The following ULK1 variants were observed in gnomAD, a reference collection of about 807,000 sequenced individuals.
ULK1 encodes serine/threonine-protein kinase ULK1.
ULK1 carries 48 observed loss-of-function variants against 117.5 expected under a neutral mutation model. The observed-to-expected ratio is 0.41, with a 90% CI of 0.32 to 0.52. The LOEUF is 0.52. Among genes scored for constraint, ULK1 ranks in the 20% least tolerant of loss-of-function variants. The probability of loss-of-function intolerance (pLI) is 0.29; values close to 1 mark genes in which losing one functional copy is unlikely to be tolerated. For synonymous variants in ULK1, 790 were observed against 637.8 expected (o/e 1.24, Z -3.60); for missense variants, 1,387 against 1,473.4 (o/e 0.94, Z 0.96).
chr12:131,912,944 C>T (rs2136397440), intron 13 of ULK1, among the ~76,000 whole-genome samples: 1 of 152,282 alleles, frequency 6.6e-6, no homozygotes, highest in South Asian at 2.1e-4. Context: ...GCTGAGGAGA[C>T]AGGAGGCGCA....
At chr12:131,920,392 A>G in intron 26 of ULK1, 1 of 477,180 alleles carries the variant, frequency 2.1e-6, no homozygotes, top group Non-Finnish European at 3.8e-6. Context: ...CCCAATTGTA[A>G]AATGAGAGAC....
chr12:131,916,388 GTCC>G lies in ULK1; in HGVS notation c.1879-5_1879-3del, dbSNP rs1275292215. 1 of 1,555,798 alleles carries G rather than the reference GTCC, an allele frequency of 6.4e-7. No homozygotes were observed. Among genetic ancestry groups the G allele is most frequent in the African/African-American group, 1.4e-5 (1 of 72,840 alleles). ...GCGGGGCAGTCTTCACCCCATCTCTGTCCTCCTAGGCTGTGCCCTCCTTTGACT... is the reference window on the plus strand; with the variant it reads ...GCGGGGCAGTCTTCACCCCATCTCTGTCCTAGGCTGTGCCCTCCTTTGACT... On this transcript the variant is annotated splice_region_variant and splice_polypyrimidine_tract_variant and intron_variant, in intron 19 of 27. Transcript: ENST00000321867.
intron 13 of ULK1, 119 bp from the exon 14 acceptor site, chr12:131,913,079 C>T (rs1011775578): frequency 2.6e-5 from 24 of 934,742 alleles, no homozygotes; most frequent in South Asian, 1.4e-4. Context: ...GGCCGCTGTA[C>T]GAGCTGAGGC....
At chr12:131,904,437 C>T (rs961145315) in intron 3 of ULK1, among the ~76,000 whole-genome samples, 2 of 152,212 alleles carry the variant, frequency 1.3e-5, no homozygotes, top group Non-Finnish European at 2.9e-5. Context: ...CATGAGCCAC[C>T]GTACCCGGCC....
chr12:131,919,465 C>A lies in ULK1; in HGVS notation c.2685-7C>A, dbSNP rs1005378517. 4 of 1,608,572 alleles carry A rather than the reference C, an allele frequency of 2.5e-6. No individual in the cohort carries two copies. The highest frequency in any genetic ancestry group is 3.4e-6 in the Non-Finnish European group (4 of 1,178,114). On this transcript the variant is annotated splice_region_variant and splice_polypyrimidine_tract_variant and intron_variant, in intron 24 of 27. Coordinates refer to ENST00000321867, the MANE Select transcript of ULK1 (RefSeq NM_003565.4). ...CCGGCCTCCTCTGATCTGCCTGCCG[C>A]CCCCAGCTTCGCGGAACAGCTGGTG...
rs371996516 is a variant in ULK1, at chr12:131,921,120, C to T, written c.2982C>T (p.Asp994=). 1.2e-4 allele frequency: 186 copies of T among 1,600,130 alleles called. 3 individuals carry two copies. The South Asian group carries it at 1.5e-3, about 13-fold the overall frequency. The part of the protein sequence containing the change: ...AVQMVQSAAL[D]EMFQHREGCV... The stretch of plus-strand genomic sequence containing the variant: ...CCCAGGTGCAGTCGGCTGCCCTGGA[C>T]GAGATGTTCCAGCACCGTGAGGGCT... Residue 994 remains aspartate (D), a synonymous_variant, in exon 27 of 28, where the codon GAC becomes GAT. Transcript: ENST00000321867.
In ULK1 at chr12:131,894,982, G is replaced by GA; in HGVS notation, c.-20_-19insA. The GA allele has an allele frequency of 9.7e-7, 1 of 1,026,526 alleles. No individual in the cohort carries two copies. The highest frequency in any genetic ancestry group is 1.2e-6 in the Non-Finnish European group (1 of 843,590). 63.6% of individuals were successfully genotyped at this position (1,026,526 alleles called of 1,614,324 possible). On this transcript the variant is annotated 5_prime_UTR_variant, in exon 1 of 28. Transcript: ENST00000321867. ...CTTGGCCCGCCACCCCCCGCCCCGC[G>GA]CCCCCGGCCCGCCTGCGCCATGGAG...
At chr12:131,911,809 ACGTG>A in intron 12 of ULK1, 129 bp from the exon 13 acceptor site, 1 of 1,257,436 alleles carries the variant, frequency 8.0e-7, no homozygotes, top group South Asian at 1.3e-5. Context: ...AGGAAGAAAG[ACGTG>A]CCCAGCCCTT....
At chr12:131,914,578 A>C in intron 16 of ULK1, 101 bp downstream of exon 16, 2 of 1,464,728 alleles carry the variant, frequency 1.4e-6, no homozygotes, top group Non-Finnish European at 9.1e-7. Flanking sequence ...ATCCATGTGC[A>C]GTTGTGCAGG....
rs1269144885 is a variant in ULK1, at chr12:131,916,041, C to A, written c.1760C>A (p.Ala587Asp). The A allele has an allele frequency of 1.2e-6, 2 of 1,612,312 alleles. No individual in the cohort carries two copies. Among genetic ancestry groups the A allele is most frequent in the African/African-American group, 2.7e-5 (2 of 75,010 alleles). The change falls in exon 19 of 28, where the codon GCC (alanine) becomes GAC (aspartate). Residue 587 changes from alanine (A) to aspartate (D), a missense_variant. Transcript: ENST00000321867. ...GGAGCTGTGTTCAGCCCACCACAGG[C>A]CAGCCCTCCCCAGCCGTCCCACGGC... ...PLGAVFSPPQ[A>D]SPPQPSHGLQ...
In ULK1 at chr12:131,914,456, C is replaced by T. The variant is rs1308273187; in HGVS notation, c.1352C>T (p.Pro451Leu). ...YQRIERNLQS[P>L]TQFQTPRSSA... is the part of the protein sequence containing the mutation. ...CGCATTGAGCGAAACCTGCAGTCAC[C>T]CACCCAGTTCCAAACACCTCGGTGA... Residue 451 changes from proline to leucine, a missense_variant, in exon 16 of 28, where the codon CCC (proline) becomes CTC (leucine). By Grantham distance (98) the Pro-to-Leu change is moderately conservative. Coordinates refer to ENST00000321867, the MANE Select transcript of ULK1 (RefSeq NM_003565.4). 6.2e-7 allele frequency: 1 copy of T among 1,612,698 alleles called. No individual in the cohort carries two copies. The highest frequency in any genetic ancestry group is 2.2e-5 in the East Asian group (1 of 44,872).
rs762590083 is a variant in ULK1, at chr12:131,909,863, C to T, written c.725+30C>T. ...GCACCCTCCCGCCTTCCCTTCCCTT[C>T]CCCCGCGGGCTCCGGCCCCGCAGGC... On this transcript the variant is annotated intron_variant, in intron 9 of 27. Transcript: ENST00000321867. 8 of 1,610,460 alleles carry T rather than the reference C, an allele frequency of 5.0e-6. No individual in the cohort carries two copies. In the African/African-American group the frequency reaches 8.0e-5, roughly 16 times the overall value.
chr12:131,915,529 G>A (rs1342353434), intron 18 of ULK1, 108 bp downstream of exon 18: 1 of 1,357,574 alleles, frequency 7.4e-7, no homozygotes, highest in African/African-American at 1.4e-5. Flanking sequence ...GAGTGGGAAG[G>A]AAGCTGGTGG....
At chr12:131,904,603 C>T (rs1280057137) in intron 3 of ULK1, among the ~76,000 whole-genome samples, 4 of 152,168 alleles carry the variant, frequency 2.6e-5, no homozygotes, top group Non-Finnish European at 4.4e-5. Context: ...GTGCTGGGCT[C>T]CTGCTCTGCA....
At chr12:131,910,636 C>G (rs1162561284) in intron 11 of ULK1, 76 bp from the exon 12 acceptor site, 1 of 1,612,040 alleles carries the variant, frequency 6.2e-7, no homozygotes, top group Non-Finnish European at 8.5e-7. Context: ...TTGAGCTTGT[C>G]CAGTCTGTGG....
rs1890052459 is a variant in ULK1 at position 131,919,520 on chromosome 12, C to T, written c.2733C>T (p.Ser911=). The change falls in exon 25 of 28, where the codon TCC becomes TCT. Residue 911 remains serine (S), a synonymous_variant. Transcript: ENST00000321867. ...ACCTGAAGGTGGCCGAGCTACTGTC[C>T]TCCGGCCTGCAAAGTGCCATCGACC... ...VLYLKVAELL[S]SGLQSAIDQI... 5 of 1,612,198 alleles carry T rather than the reference C, an allele frequency of 3.1e-6. No individual in the cohort carries two copies. Among genetic ancestry groups the T allele is most frequent in the Non-Finnish European group, 3.4e-6 (4 of 1,179,604 alleles).
intron 15 of ULK1, 78 bp downstream of exon 15, chr12:131,913,914 G>A: frequency 4.8e-6 from 6 of 1,238,104 alleles, no homozygotes; most frequent in Non-Finnish European, 6.4e-6. Flanking sequence ...GTGTGTCGCA[G>A]CCAGCCCAGG....
Position 131,909,810 on chromosome 12 carries a change from G to A in ULK1, c.702G>A (p.Glu234=), listed in dbSNP as rs140317597. Residue 234 remains glutamate, a synonymous_variant, in exon 9 of 28, where the codon GAG becomes GAA. Transcript: ENST00000321867. ...CCCAGGACCTGCGCCTGTTCTACGAGAAGAACAAGACGTTGGTCCCCACGT... is the reference window on the plus strand; with the variant it reads ...CCCAGGACCTGCGCCTGTTCTACGAAAAGAACAAGACGTTGGTCCCCACGT... ...SSPQDLRLFY[E]KNKTLVPTIP... is the part of the protein sequence containing the mutation. The A allele has an allele frequency of 1.1e-3, 1,814 of 1,611,484 alleles. 19 individuals carry two copies. In the Middle Eastern group the frequency reaches 0.021, roughly 19 times the overall value.
intron 26 of ULK1, chr12:131,920,811 C>T (rs1419346120): frequency 7.3e-6 from 3 of 412,188 alleles, no homozygotes; most frequent in East Asian, 7.4e-5. Context: ...CCTTCCCGCC[C>T]AGGCAGGCCA....
Sources: gnomAD v4.1 joint callset for allele counts (sites outside exome capture counted in the v4.1 genomes callset) on GRCh38, gnomAD v4.1.1 for gene constraint, MANE v1.5 for transcripts, NCBI Gene and HGNC (gene_info 2026-07-23, HGNC 2026-07-21) for gene names.